Variants in FBXL17 observed in about 807,000 individuals in gnomAD.
FBXL17 encodes the protein F-box and leucine rich repeat protein 17, also known as F-box/LRR-repeat protein 17.
Under a neutral mutation model 66.2 loss-of-function variants are expected in FBXL17, and 22 were observed. The observed-to-expected ratio is 0.33, with a 90% CI of 0.24 to 0.47. The LOEUF (loss-of-function observed/expected upper bound fraction) is 0.47, where lower values mean the gene tolerates loss of function less well. FBXL17 is among the 20% of genes least tolerant of loss of function. FBXL17 has a pLI of 1.00. For missense variants in FBXL17, 878 were observed against 948.2 expected, an observed-to-expected ratio of 0.93 and a Z score of 0.97; for synonymous variants, 474 against 400.5, an observed-to-expected ratio of 1.18 and a Z score of -2.19.
intron 4 of FBXL17, among the ~76,000 whole-genome samples, chr5:108,228,102 T>G (rs946996491): frequency 6.6e-6 from 1 of 152,168 alleles, no homozygotes; most frequent in African/African-American, 2.4e-5. Context: ...TGGGTCTTTC[T>G]CTTTCAGCTC....
intron 6 of FBXL17, among the ~76,000 whole-genome samples, chr5:108,087,027 A>G (rs553008450): frequency 1.9e-4 from 29 of 151,944 alleles, no homozygotes; most frequent in African/African-American, 6.5e-4. Context: ...AGCAAACTGA[A>G]TAGGACATAC....
chr5:107,876,154 G>A (rs983630647), intron 8 of FBXL17, among the ~76,000 whole-genome samples: 10 of 152,012 alleles, frequency 6.6e-5, no homozygotes, highest in Non-Finnish European at 1.0e-4. Context: ...CATCTGCTCC[G>A]GGCCATGGCA....
intron 6 of FBXL17, among the ~76,000 whole-genome samples, chr5:108,131,822 A>T (rs1228969274): frequency 6.6e-6 from 1 of 152,178 alleles, no homozygotes; most frequent in Non-Finnish European, 1.5e-5. Context: ...GTAAAGGCTA[A>T]ATTTCAGGGT....
At chr5:108,051,267 G>T (rs938147420) in intron 6 of FBXL17, among the ~76,000 whole-genome samples, 5 of 152,028 alleles carry the variant, frequency 3.3e-5, no homozygotes, top group Non-Finnish European at 7.4e-5. Context: ...AGCAAAACTG[G>T]GAAGAGACAC....
At chr5:107,870,287 T>C (rs571539688) in intron 8 of FBXL17, among the ~76,000 whole-genome samples, 1 of 152,330 alleles carries the variant, frequency 6.6e-6, no homozygotes, top group African/African-American at 2.4e-5. Context: ...AGCTAGAGGT[T>C]CTGGGGAAAA....
At chr5:107,947,025 T>C (rs1188778212) in intron 7 of FBXL17, among the ~76,000 whole-genome samples, 3 of 152,142 alleles carry the variant, frequency 2.0e-5, no homozygotes, top group Non-Finnish European at 4.4e-5. Flanking sequence ...CCTTGTAAGA[T>C]GCACTGATCT....
intron 1 of FBXL17, among the ~76,000 whole-genome samples, chr5:108,375,386 C>CACAA (rs1357380929): frequency 6.6e-6 from 1 of 151,260 alleles, no homozygotes; most frequent in East Asian, 1.9e-4. Flanking sequence ...CACACACACA[C>CACAA]ACACACACAA....
At chr5:108,248,574 T>A (rs1756211994) in intron 4 of FBXL17, among the ~76,000 whole-genome samples, 1 of 151,998 alleles carries the variant, frequency 6.6e-6, no homozygotes, top group Admixed American at 6.6e-5. Context: ...CCAAATTTGG[T>A]AAAAGACATA....
In FBXL17 at chr5:107,953,174, G is replaced by GGGC. The variant is rs375041855; in HGVS notation, c.1822+67748_1822+67750dup. Among the ~76,000 whole-genome samples the GGGC allele has an allele frequency of 1.8e-3, 273 of 152,142 alleles. 2 individuals carry two copies. Among genetic ancestry groups the GGGC allele is most frequent in the African/African-American group, 6.1e-3 (254 of 41,522 alleles). On this transcript the variant is annotated intron_variant, in intron 7 of 8. Transcript: ENST00000542267. The stretch of plus-strand genomic sequence containing the variant: ...TCCCAGCACTTTGGGACGCCAAGGT[G>GGGC]GGCGGATCACGAGGTCAGGAGATCG...
At chr5:108,193,016 T>C (rs1028609703) in intron 5 of FBXL17, among the ~76,000 whole-genome samples, 1 of 152,216 alleles carries the variant, frequency 6.6e-6, no homozygotes, top group Non-Finnish European at 1.5e-5. Context: ...GTTGGAAGTG[T>C]TAATTTTTAA....
At chr5:108,066,858 G>A (rs1748134694) in intron 6 of FBXL17, among the ~76,000 whole-genome samples, 1 of 151,844 alleles carries the variant, frequency 6.6e-6, no homozygotes, top group South Asian at 2.1e-4. Flanking sequence ...AATTTCTGAT[G>A]TCTATAAAAA....
chr5:108,155,032 A>G (rs1751940432), intron 6 of FBXL17, among the ~76,000 whole-genome samples: 1 of 152,138 alleles, frequency 6.6e-6, no homozygotes, highest in Admixed American at 6.6e-5. Flanking sequence ...ATCTAATAAA[A>G]CTAATATTCA....
intron 4 of FBXL17, among the ~76,000 whole-genome samples, chr5:108,269,434 C>T (rs1195017600): frequency 6.6e-6 from 1 of 152,028 alleles, no homozygotes; most frequent in Non-Finnish European, 1.5e-5. Context: ...AAGGTATAAC[C>T]TCAAGAACTT....
chr5:108,288,405 G>C (rs940874800), intron 4 of FBXL17, among the ~76,000 whole-genome samples: 5 of 151,522 alleles, frequency 3.3e-5, no homozygotes, highest in African/African-American at 9.7e-5. Context: ...CCCGATGTAA[G>C]GTTGCCACAA....
intron 7 of FBXL17, among the ~76,000 whole-genome samples, chr5:108,006,743 C>G (rs1753941058): frequency 6.6e-6 from 1 of 152,198 alleles, no homozygotes; most frequent in African/African-American, 2.4e-5. Context: ...AAGTGTGCAG[C>G]AGCACATCAT....
intron 3 of FBXL17, among the ~76,000 whole-genome samples, chr5:108,356,945 A>G (rs1340954592): frequency 6.6e-6 from 1 of 152,074 alleles, no homozygotes; most frequent in Admixed American, 6.5e-5. Context: ...GAAATATGCA[A>G]AATTTCTCAA....
At chr5:108,142,242 G>T (rs1419611482) in intron 6 of FBXL17, among the ~76,000 whole-genome samples, 1 of 152,078 alleles carries the variant, frequency 6.6e-6, no homozygotes, top group Admixed American at 6.5e-5. Context: ...ACTATAAGAG[G>T]CTCCACTCAA....
At chr5:107,962,657 A>C (rs1446373024) in intron 7 of FBXL17, among the ~76,000 whole-genome samples, 1 of 152,084 alleles carries the variant, frequency 6.6e-6, no homozygotes, top group Non-Finnish European at 1.5e-5. Flanking sequence ...CTGGAATTAA[A>C]TAACAGGGCA....
At chr5:108,097,371 C>T (rs531720959) in intron 6 of FBXL17, among the ~76,000 whole-genome samples, 2 of 152,192 alleles carry the variant, frequency 1.3e-5, no homozygotes, top group South Asian at 4.1e-4. Context: ...ATATATATTA[C>T]TTGGACAAAA....
Sources: allele counts gnomAD v4.1 joint callset (sites outside exome capture counted in the v4.1 genomes callset), GRCh38; gene constraint gnomAD v4.1.1; transcripts MANE v1.5; gene names NCBI Gene and HGNC (gene_info 2026-07-23, HGNC 2026-07-21).